RANBP2: variants seen among roughly 807,000 people sequenced by gnomAD.
RANBP2 encodes RAN binding protein 2, also known as E3 SUMO-protein ligase RanBP2.
A neutral mutation model predicts 303.6 loss-of-function variants in RANBP2; 57 were observed. The observed-to-expected ratio is 0.19, with a 90% CI of 0.15 to 0.23. The LOEUF is 0.23. RANBP2 is among the 10% of genes least tolerant of loss of function. RANBP2 has a pLI of 1.00. For missense variants in RANBP2, 3,138 were observed against 3,780.8 expected, an observed-to-expected ratio of 0.83 and a Z score of 4.46; for synonymous variants, 1,167 against 1,301.5, an observed-to-expected ratio of 0.90 and a Z score of 2.23.
the RANBP2 span, among the ~76,000 whole-genome samples, chr2:108,957,187 T>C: frequency 6.6e-6 from 1 of 152,242 alleles, no homozygotes; most frequent in African/African-American, 2.4e-5. Context: ...TGGGTGCCAC[T>C]GACAACCAGT....
the RANBP2 span, among the ~76,000 whole-genome samples, chr2:109,301,384 C>T: frequency 1.3e-5 from 2 of 151,610 alleles, no homozygotes; most frequent in Non-Finnish European, 2.9e-5. Flanking sequence ...GTGGGGGGAC[C>T]TTGGGTCTCT....
chr2:108,911,204 C>T, the RANBP2 span: 1 of 1,119,208 alleles, frequency 8.9e-7, no homozygotes. Context: ...ATCTGAGGTG[C>T]TTGCTTAGAC....
chr2:108,986,706 A>G, the RANBP2 span, among the ~76,000 whole-genome samples: 3 of 152,258 alleles, frequency 2.0e-5, no homozygotes, highest in Non-Finnish European at 4.4e-5. Context: ...AGAAATGTAC[A>G]GCAGAGGTTA....
the RANBP2 span, among the ~76,000 whole-genome samples, chr2:109,690,239 G>T: frequency 6.6e-6 from 1 of 152,168 alleles, no homozygotes; most frequent in Non-Finnish European, 1.5e-5. Context: ...TAGGGAGACG[G>T]GAGACATCAA....
At chr2:109,499,051 C>CT in the RANBP2 span, among the ~76,000 whole-genome samples, 1 of 152,192 alleles carries the variant, frequency 6.6e-6, no homozygotes, top group African/African-American at 2.4e-5. Context: ...CTGGAGCCCT[C>CT]TGAGCCTTTG....
At chr2:109,430,677 T>A in the RANBP2 span, among the ~76,000 whole-genome samples, 1 of 152,244 alleles carries the variant, frequency 6.6e-6, no homozygotes, top group African/African-American at 2.4e-5. Flanking sequence ...GTATTTCCTC[T>A]ATGGTGATGG....
the RANBP2 span, among the ~76,000 whole-genome samples, chr2:109,680,296 T>C: frequency 1.3e-5 from 2 of 150,880 alleles, no homozygotes; most frequent in African/African-American, 2.4e-5. Flanking sequence ...GAGCTTGCAG[T>C]GAGCCAAGAT....
the RANBP2 span, among the ~76,000 whole-genome samples, chr2:108,851,464 G>C: frequency 1.3e-5 from 2 of 152,094 alleles, no homozygotes; most frequent in Non-Finnish European, 2.9e-5. Context: ...ACCATGCCCA[G>C]CTAATTTTTG....
the RANBP2 span, chr2:109,733,107 G>A: frequency 2.8e-5 from 15 of 537,700 alleles, no homozygotes; most frequent in Non-Finnish European, 5.3e-5. Context: ...AGAAGAGAGA[G>A]ATCGCTGTCT....
chr2:109,637,760 A>C, the RANBP2 span, among the ~76,000 whole-genome samples: 1 of 152,224 alleles, frequency 6.6e-6, no homozygotes, highest in Non-Finnish European at 1.5e-5. Context: ...GCAATTGTTC[A>C]AAGTACAGGT....
chr2:109,439,406 C>G, the RANBP2 span, among the ~76,000 whole-genome samples: 20 of 152,256 alleles, frequency 1.3e-4, 1 homozygote, highest in Admixed American at 1.2e-3. Context: ...CGGCATTTTC[C>G]ACTTCATTCT....
the RANBP2 span, among the ~76,000 whole-genome samples, chr2:109,319,389 G>A: frequency 6.6e-6 from 1 of 152,222 alleles, no homozygotes; most frequent in Non-Finnish European, 1.5e-5. Context: ...TGGGCTCAGT[G>A]GGGTCCCGGG....
At chr2:109,295,765 T>C in the RANBP2 span, among the ~76,000 whole-genome samples, 1 of 151,976 alleles carries the variant, frequency 6.6e-6, no homozygotes, top group Non-Finnish European at 1.5e-5. Flanking sequence ...GGTTGTGAGA[T>C]CTTGTGGGCA....
At chr2:109,199,617 T>TCAACCC in the RANBP2 span, among the ~76,000 whole-genome samples, 2 of 258 alleles carry the variant, frequency 7.8e-3, no homozygotes, top group Non-Finnish European at 0.017. Context: ...TGGAATGGAA[T>TCAACCC]GGAATGGAAT....
intron 6 of RANBP2, among the ~76,000 whole-genome samples, chr2:108,739,650 G>C (rs1695910082): frequency 6.6e-6 from 1 of 152,074 alleles, no homozygotes; most frequent in Admixed American, 6.6e-5. Flanking sequence ...GTGAGGATTT[G>C]GAGAAACAAT....
the RANBP2 span, among the ~76,000 whole-genome samples, chr2:109,235,076 A>C: frequency 1.3e-5 from 2 of 152,198 alleles, no homozygotes; most frequent in African/African-American, 2.4e-5. Flanking sequence ...GGTGAGGCAG[A>C]GCTTTAGAAC....
chr2:109,429,818 C>T, the RANBP2 span, among the ~76,000 whole-genome samples: 3 of 152,218 alleles, frequency 2.0e-5, no homozygotes, highest in Admixed American at 6.5e-5. Context: ...CAGGGCCACC[C>T]GAGCAGAGGT....
At chr2:109,002,240 T>C in the RANBP2 span, among the ~76,000 whole-genome samples, 2 of 152,342 alleles carry the variant, frequency 1.3e-5, no homozygotes, top group East Asian at 3.9e-4. Context: ...GCCCTGGCCC[T>C]GTGCTTGCTC....
the RANBP2 span, among the ~76,000 whole-genome samples, chr2:108,856,446 A>G: frequency 8.7e-4 from 132 of 152,340 alleles, no homozygotes; most frequent in African/African-American, 3.0e-3. Flanking sequence ...AGATAGAAAT[A>G]CTAAGTTTTT....
Sources: allele counts gnomAD v4.1 joint callset (sites outside exome capture counted in the v4.1 genomes callset), GRCh38; gene constraint gnomAD v4.1.1; transcripts MANE v1.5; gene names NCBI Gene and HGNC (gene_info 2026-07-23, HGNC 2026-07-21).